Variants in FANCI observed in about 807,000 individuals in gnomAD.
FANCI encodes the protein Fanconi anemia group I protein.
A neutral mutation model predicts 176.1 loss-of-function variants in FANCI; 156 were observed. The observed-to-expected ratio is 0.89, with a 90% CI of 0.78 to 1.01. FANCI has a LOEUF of 1.01. Ranked by LOEUF, FANCI falls within the 50% of genes least tolerant of loss-of-function variation. The probability of loss-of-function intolerance (pLI) is 0.00; values close to 1 mark genes in which losing one functional copy is unlikely to be tolerated. For missense variants in FANCI, 1,678 were observed against 1,534.1 expected, an observed-to-expected ratio of 1.09 and a Z score of -1.57; for synonymous variants, 613 against 541.7, an observed-to-expected ratio of 1.13 and a Z score of -1.83.
At position 89,281,802 on chromosome 15, in the gene FANCI, T is replaced by C; in HGVS notation, c.1550T>C (p.Leu517Ser). Residue 517 changes from leucine (L) to serine (S), a missense_variant, in exon 16 of 38, where the codon TTG becomes TCG. Leu to Ser is a moderately radical substitution (Grantham distance 145). Around this residue, in one of 3 missense-constraint regions of FANCI, gnomAD observed 1,204 missense variants for 1,077.4 expected, o/e 1.12. Transcript: ENST00000310775. ...LKVSMSMRDC[L>S]ILVLRKAMFA... ...GTCAGCATGTCAATGAGAGACTGCT[T>C]GATACTTGTCCTTCGGAAAGCTATG... The C allele has an allele frequency of 6.2e-7, 1 of 1,613,954 alleles. No individual in the cohort carries two copies. Among genetic ancestry groups the C allele is most frequent in the South Asian group, 1.1e-5 (1 of 91,076 alleles).
At chr15:89,262,334 A>G (rs1044453719) in intron 6 of FANCI, among the ~76,000 whole-genome samples, 8 of 152,256 alleles carry the variant, frequency 5.3e-5, no homozygotes, top group Middle Eastern at 3.4e-3. Context: ...ACATTAAAGA[A>G]TGACTGCAAC....
chr15:89,293,880 A>C lies in FANCI; in HGVS notation c.2339A>C (p.Lys780Thr), dbSNP rs1596306252. The change falls in exon 23 of 38, where the codon AAA becomes ACA. Residue 780 changes from lysine (K) to threonine (T), a missense_variant. Lys to Thr is a moderately conservative substitution (Grantham distance 78, BLOSUM62 -1). Around this residue, in one of 3 missense-constraint regions of FANCI, gnomAD observed 1,204 missense variants for 1,077.4 expected, o/e 1.12. Coordinates refer to ENST00000310775, the MANE Select transcript of FANCI (RefSeq NM_001113378.2). Reference protein sequence around the residue: ...DILSLFMCYKKLSDILNEKAG... With the variant: ...DILSLFMCYKTLSDILNEKAG... ...CTGAGCTTATTTATGTGTTACAAAA[A>C]ACTCTCTGACATTCTTAATGAAAAA... 1 of 1,614,138 alleles carries C rather than the reference A, an allele frequency of 6.2e-7. No individual in the cohort carries two copies. Among genetic ancestry groups the C allele is most frequent in the Non-Finnish European group, 8.5e-7 (1 of 1,180,016 alleles).
chr15:89,266,510 G>C (rs2052969940), intron 9 of FANCI, among the ~76,000 whole-genome samples: 1 of 151,660 alleles, frequency 6.6e-6, no homozygotes, highest in African/African-American at 2.4e-5. Context: ...TGTATTTTTA[G>C]TAGAGACGGG....
chr15:89,267,326 A>C lies in FANCI; in HGVS notation c.756-1073A>C, dbSNP rs28434304. ...TGGGAGTGAATCCTTGTCTCAAAAA[A>C]AAAAAATTTTTTTTTTTTTTTTTGA... On this transcript the variant is annotated intron_variant, in intron 9 of 37. Coordinates refer to ENST00000310775, the MANE Select transcript of FANCI (RefSeq NM_001113378.2). Among the ~76,000 whole-genome samples the C allele has an allele frequency of 5.2e-3, 772 of 149,016 alleles. 7 individuals carry two copies. Among genetic ancestry groups the C allele is most frequent in the African/African-American group, 0.018 (704 of 38,636 alleles).
intron 20 of FANCI, 29 bp downstream of exon 20, chr15:89,291,743 T>C (rs764113609): frequency 1.4e-5 from 22 of 1,551,142 alleles, no homozygotes; most frequent in Middle Eastern, 1.7e-4. Context: ...CTTCAACCAT[T>C]ATTTTTAGTA....
At chr15:89,300,267 CAAAG>C (rs1394474279) in intron 25 of FANCI, 29 bp from the exon 26 acceptor site, 1 of 1,594,956 alleles carries the variant, frequency 6.3e-7, no homozygotes, top group Admixed American at 1.7e-5. Context: ...GAGTTTATAT[CAAAG>C]AAGACAAGAG....
At chr15:89,256,949 C>T (rs1022746176) in intron 2 of FANCI, among the ~76,000 whole-genome samples, 15 of 152,176 alleles carry the variant, frequency 9.9e-5, no homozygotes, top group Admixed American at 6.5e-5. Context: ...CTCTGTCACC[C>T]AGGCTAGAGT....
intron 28 of FANCI, 30 bp from the exon 29 acceptor site, chr15:89,305,085 C>G: frequency 6.2e-7 from 1 of 1,612,632 alleles, no homozygotes; most frequent in Middle Eastern, 1.7e-4. Flanking sequence ...CACAACTTAC[C>G]TTTTAATTTG....
chr15:89,261,709 C>T lies in FANCI; in HGVS notation c.413C>T (p.Ala138Val). The T allele has an allele frequency of 6.2e-7, 1 of 1,614,076 alleles. No homozygotes were observed. The highest frequency in any genetic ancestry group is 8.5e-7 in the Non-Finnish European group (1 of 1,179,996). The change falls in exon 5 of 38, where the codon GCT becomes GTT. Residue 138 changes from alanine (A) to valine (V), a missense_variant. Physicochemically the swap from Ala to Val is moderately conservative, Grantham distance 64. Coordinates refer to ENST00000310775, the MANE Select transcript of FANCI (RefSeq NM_001113378.2). The stretch of plus-strand genomic sequence containing the variant: ...CTACCTATCATTCTCACTGCCCTGG[C>T]TACGAAAAAGGAAAATCTGGCTTAT... Reference protein sequence around the residue: ...ELLPIILTALATKKENLAYGK... With the variant: ...ELLPIILTALVTKKENLAYGK...
chr15:89,247,826 C>A, intron 2 of FANCI, 95 bp downstream of exon 2: 1 of 916,564 alleles, frequency 1.1e-6, no homozygotes, highest in Non-Finnish European at 1.8e-6. Context: ...GCTGCTTCTT[C>A]ATCTACTCCC....
intron 3 of FANCI, among the ~76,000 whole-genome samples, chr15:89,260,348 A>T (rs1317937175): frequency 3.9e-5 from 6 of 152,176 alleles, no homozygotes; most frequent in Admixed American, 1.3e-4. Context: ...AGAGCACATT[A>T]AAAAAGTCAG....
chr15:89,312,692 T>G (rs1261495967), intron 34 of FANCI, among the ~76,000 whole-genome samples: 1 of 151,848 alleles, frequency 6.6e-6, no homozygotes, highest in Non-Finnish European at 1.5e-5. Context: ...TGGTGGCACG[T>G]GCCTGTAGTC....
intron 34 of FANCI, among the ~76,000 whole-genome samples, chr15:89,308,945 C>CAAA (rs34633263): frequency 1.5e-5 from 2 of 137,340 alleles, no homozygotes; most frequent in African/African-American, 2.8e-5. Flanking sequence ...AACTCCGTCT[C>CAAA]AAAAAAAAAA....
intron 2 of FANCI, among the ~76,000 whole-genome samples, chr15:89,252,655 G>A (rs2052310378): frequency 1.3e-5 from 2 of 152,002 alleles, no homozygotes; most frequent in African/African-American, 4.8e-5. Context: ...CAGGAGAATT[G>A]CTTGAACCCG....
intron 24 of FANCI, among the ~76,000 whole-genome samples, chr15:89,296,268 T>A (rs140169305): frequency 3.2e-3 from 1 of 312 alleles, no homozygotes; most frequent in Non-Finnish European, 6.9e-3. Flanking sequence ...CTGGCCCTTA[T>A]TTTTTTTTTT....
chr15:89,268,861 G>A (rs1467957270), intron 10 of FANCI, among the ~76,000 whole-genome samples: 1 of 152,148 alleles, frequency 6.6e-6, no homozygotes, highest in East Asian at 1.9e-4. Flanking sequence ...AGTAGATTAT[G>A]TGTCACTGTC....
chr15:89,304,040 C>T, intron 28 of FANCI, 125 bp downstream of exon 28: 2 of 848,406 alleles, frequency 2.4e-6, no homozygotes, highest in Non-Finnish European at 4.0e-6. Context: ...ATGAAACAGA[C>T]ACCTAATACC....
Position 89,314,642 on chromosome 15 carries a change from C to T in FANCI, c.3751C>T (p.Pro1251Ser), listed in dbSNP as rs143590561. ...AGTTCTTCGGGAAACCAAGCCAATC[C>T]CTAACCTCATCTTTGCCATAGAACA... The part of the protein sequence containing the change: ...ARVLRETKPI[P>S]NLIFAIEQYE... The change falls in exon 36 of 38, where the codon CCT becomes TCT. Residue 1251 changes from proline to serine, a missense_variant. Transcript: ENST00000310775. 6.2e-7 allele frequency: 1 copy of T among 1,614,110 alleles called. No individual in the cohort carries two copies. Among genetic ancestry groups the T allele is most frequent in the Non-Finnish European group, 8.5e-7 (1 of 1,179,988 alleles).
intron 28 of FANCI, among the ~76,000 whole-genome samples, chr15:89,304,224 TAGC>T (rs1383943065): frequency 1.3e-5 from 2 of 152,246 alleles, no homozygotes; most frequent in East Asian, 1.9e-4. Flanking sequence ...AGAATTCTCT[TAGC>T]AGCACTATTT....
Sources: allele counts gnomAD v4.1 joint callset (sites outside exome capture counted in the v4.1 genomes callset), GRCh38; gene constraint gnomAD v4.1.1; regional missense constraint gnomAD v4.1.1; transcripts MANE v1.5; gene names NCBI Gene and HGNC (gene_info 2026-07-23, HGNC 2026-07-21).